AFAP1L1: variants seen among roughly 807,000 people sequenced by gnomAD.
AFAP1L1 encodes the protein actin filament-associated protein 1-like 1.
In AFAP1L1, 77 loss-of-function variants were observed where a neutral mutation model predicts 99.8. The observed-to-expected ratio is 0.77, with a 90% CI of 0.64 to 0.93. AFAP1L1 has a LOEUF of 0.93. Ranked by LOEUF, AFAP1L1 falls within the 40% of genes least tolerant of loss-of-function variation. The probability of loss-of-function intolerance (pLI) is 0.00; values close to 1 mark genes in which losing one functional copy is unlikely to be tolerated. For synonymous variants in AFAP1L1, 373 were observed against 395.3 expected (o/e 0.94, Z 0.67); for missense variants, 893 against 996.8 (o/e 0.90, Z 1.40).
chr5:149,335,600 G>A lies in AFAP1L1; in HGVS notation c.2161G>A (p.Ala721Thr), dbSNP rs1757385302. 1.2e-6 allele frequency: 2 copies of A among 1,612,192 alleles called. No homozygotes were observed. The highest frequency in any genetic ancestry group is 8.5e-7 in the Non-Finnish European group (1 of 1,179,946). ...TATTTATTGCCATCAACAGGAAACT[G>A]CAAATAAACCCCAGAACAGCGTTCC... ...VSSKPKSGETANKPQNSVPEQ... is the reference protein window; with the variant it reads ...VSSKPKSGETTNKPQNSVPEQ... Residue 721 changes from alanine to threonine, a missense_variant, in exon 18 of 19, where the codon GCA becomes ACA. Coordinates refer to ENST00000296721, the MANE Select transcript of AFAP1L1 (RefSeq NM_152406.4).
At chr5:149,274,693 A>C (rs778061858) in intron 1 of AFAP1L1, among the ~76,000 whole-genome samples, 12 of 152,158 alleles carry the variant, frequency 7.9e-5, no homozygotes, top group Non-Finnish European at 1.5e-4. Context: ...AGCCTGCCCA[A>C]CATGGTGAAA....
rs756109583 is a variant in AFAP1L1 at position 149,340,002 on chromosome 5, T to C, written c.2284-5T>C. On this transcript the variant is annotated splice_region_variant and splice_polypyrimidine_tract_variant and intron_variant, in intron 18 of 18. Coordinates refer to ENST00000296721, the MANE Select transcript of AFAP1L1 (RefSeq NM_152406.4). ...ATTGATTTGTCTTCTCTTTCTGTGCTTCAGGAATGGGAAATGAAGAAGACC... is the reference window on the plus strand; with the variant it reads ...ATTGATTTGTCTTCTCTTTCTGTGCCTCAGGAATGGGAAATGAAGAAGACC... 1 of 1,614,042 alleles carries C rather than the reference T, an allele frequency of 6.2e-7. No homozygotes were observed. Among genetic ancestry groups the C allele is most frequent in the South Asian group, 1.1e-5 (1 of 91,044 alleles).
chr5:149,335,763 T>C (rs767940117), intron 18 of AFAP1L1, 41 bp downstream of exon 18: 3 of 1,599,542 alleles, frequency 1.9e-6, no homozygotes, highest in Admixed American at 1.8e-5. Context: ...AGAGATCTGG[T>C]AGCCCCCTTT....
intron 11 of AFAP1L1, among the ~76,000 whole-genome samples, chr5:149,316,951 G>C (rs1756815189): frequency 6.6e-6 from 1 of 152,182 alleles, no homozygotes; most frequent in African/African-American, 2.4e-5. Context: ...GATCACTTGA[G>C]CCCTGGAGTT....
intron 14 of AFAP1L1, among the ~76,000 whole-genome samples, chr5:149,321,189 T>G (rs1756942747): frequency 6.6e-6 from 1 of 152,206 alleles, no homozygotes; most frequent in Non-Finnish European, 1.5e-5. Context: ...GACTCTCTTT[T>G]CTAGAAATTT....
chr5:149,339,546 T>C (rs1353936011), intron 18 of AFAP1L1, among the ~76,000 whole-genome samples: 1 of 152,202 alleles, frequency 6.6e-6, no homozygotes, highest in Non-Finnish European at 1.5e-5. Context: ...TTTTCATGTG[T>C]CATGAGATAG....
rs766887187 is a variant in AFAP1L1, at chr5:149,299,523, C to T, written c.31C>T (p.Leu11Phe). The change falls in exon 2 of 19, where the codon CTC (leucine) becomes TTC (phenylalanine). Residue 11 changes from leucine to phenylalanine, a missense_variant. Coordinates refer to ENST00000296721, the MANE Select transcript of AFAP1L1 (RefSeq NM_152406.4). ...TTCCTCCGCAGTGCTGGAGCAGCTG[C>T]TCCCAGAGCTCACCGGGCTGCTCAG... MDRGQVLEQL[L>F]PELTGLLSLL... 1 of 1,614,130 alleles carries T rather than the reference C, an allele frequency of 6.2e-7. No homozygotes were observed. The highest frequency in any genetic ancestry group is 1.7e-5 in the Admixed American group (1 of 60,024).
chr5:149,334,152 G>A (rs1053807917), intron 17 of AFAP1L1, among the ~76,000 whole-genome samples: 2 of 152,232 alleles, frequency 1.3e-5, no homozygotes, highest in Non-Finnish European at 2.9e-5. Context: ...TGACTTGTCA[G>A]GAGGCAATGT....
chr5:149,293,193 A>G (rs1251914713), intron 1 of AFAP1L1, among the ~76,000 whole-genome samples: 1 of 152,208 alleles, frequency 6.6e-6, no homozygotes, highest in Non-Finnish European at 1.5e-5. Flanking sequence ...CACCATACAC[A>G]TCAGTTCATT....
chr5:149,337,307 C>CCA lies in AFAP1L1; in HGVS notation c.2283+1600_2283+1601dup, dbSNP rs373421050. ...AAAAAGTCACTTTTTACTGTTCTCA[C>CCA]CACACACACACACACAAATGATAAC... On this transcript the variant is annotated intron_variant, in intron 18 of 18. Coordinates refer to ENST00000296721, the MANE Select transcript of AFAP1L1 (RefSeq NM_152406.4). Among the ~76,000 whole-genome samples the CCA allele has an allele frequency of 1.6e-4, 24 of 150,738 alleles. 1 individual carries two copies. The highest frequency in any genetic ancestry group is 4.1e-4 in the African/African-American group (17 of 41,070).
chr5:149,297,640 T>G (rs545211156), intron 1 of AFAP1L1, among the ~76,000 whole-genome samples: 1 of 152,106 alleles, frequency 6.6e-6, no homozygotes, highest in Non-Finnish European at 1.5e-5. Flanking sequence ...CAGCATCATG[T>G]TTTCCTAACA....
chr5:149,299,473 G>A, intron 1 of AFAP1L1, 36 bp from the exon 2 acceptor site: 1 of 1,612,228 alleles, frequency 6.2e-7, no homozygotes, highest in Non-Finnish European at 8.5e-7. Context: ...CTGTGACTGT[G>A]CAGCTGTGAC....
chr5:149,335,403 G>A (rs892961295), intron 17 of AFAP1L1, among the ~76,000 whole-genome samples, 191 bp from the exon 18 acceptor site: 9 of 152,148 alleles, frequency 5.9e-5, no homozygotes, highest in East Asian at 5.8e-4. Flanking sequence ...TATAAGAATC[G>A]CTTGAACCCA....
At chr5:149,329,599 G>A (rs1180947620) in intron 15 of AFAP1L1, 67 bp from the exon 16 acceptor site, 2 of 1,477,410 alleles carry the variant, frequency 1.4e-6, no homozygotes, top group East Asian at 2.3e-5. Context: ...AAGAGAAGCT[G>A]ACACCACACA....
chr5:149,302,961 A>G (rs1756279903), intron 5 of AFAP1L1, among the ~76,000 whole-genome samples: 1 of 152,166 alleles, frequency 6.6e-6, no homozygotes, highest in South Asian at 2.1e-4. Flanking sequence ...ATGACCTCCT[A>G]TAGGTGGGTT....
chr5:149,329,473 C>T (rs1380647039), intron 15 of AFAP1L1, among the ~76,000 whole-genome samples, 193 bp from the exon 16 acceptor site: 1 of 152,232 alleles, frequency 6.6e-6, no homozygotes, highest in Non-Finnish European at 1.5e-5. Flanking sequence ...TGCTCCTAGT[C>T]CGTGTGCCCT....
At chr5:149,330,516 A>T (rs1041077518) in intron 16 of AFAP1L1, among the ~76,000 whole-genome samples, 1 of 152,220 alleles carries the variant, frequency 6.6e-6, no homozygotes, top group Non-Finnish European at 1.5e-5. Context: ...TGCAAAAAAA[A>T]GTTCAGGAGC....
intron 9 of AFAP1L1, chr5:149,315,577 G>A (rs1581327082): frequency 4.2e-6 from 2 of 478,802 alleles, no homozygotes; most frequent in Admixed American, 3.3e-5. Context: ...TCATTTCAAA[G>A]TGTTATAATT....
intron 1 of AFAP1L1, among the ~76,000 whole-genome samples, chr5:149,275,565 G>A (rs1755291054): frequency 6.6e-6 from 1 of 151,940 alleles, no homozygotes; most frequent in Non-Finnish European, 1.5e-5. Context: ...GAGTGCAGTG[G>A]TGGGATCTCG....
Sources: gnomAD v4.1 joint callset for allele counts (sites outside exome capture counted in the v4.1 genomes callset) on GRCh38, gnomAD v4.1.1 for gene constraint, MANE v1.5 for transcripts, NCBI Gene and HGNC (gene_info 2026-07-23, HGNC 2026-07-21) for gene names.